ENG: variants seen among roughly 807,000 people sequenced by gnomAD.
ENG encodes CD105 antigen.
ENG carries 17 observed loss-of-function variants against 71.0 expected under a neutral mutation model. The ratio of observed to expected loss-of-function variants is 0.24; its 90% CI spans 0.16 to 0.36. ENG has a LOEUF of 0.36. Ranked by LOEUF, ENG falls within the 10% of genes least tolerant of loss-of-function variation. ENG has a pLI of 1.00. For synonymous variants in ENG, 360 were observed against 366.9 expected, an observed-to-expected ratio of 0.98 and a Z score of 0.21; for missense variants, 749 against 868.3, an observed-to-expected ratio of 0.86 and a Z score of 1.73.
intron 2 of ENG, among the ~76,000 whole-genome samples, chr9:127,842,220 CTTTTCTT>C (rs1831051188): frequency 2.3e-5 from 2 of 87,910 alleles, no homozygotes; most frequent in South Asian, 4.9e-4. Context: ...TTCTCTTTTT[CTTTTCTT>C]TTTTTTTTTT....
Position 127,846,201 on chromosome 9 carries a change from CTCCA to C in ENG, c.68-2960_68-2957del. On this transcript the variant is annotated intron_variant, in intron 1 of 14. Coordinates refer to ENST00000373203, the MANE Select transcript of ENG (RefSeq NM_001114753.3). The surrounding 1 kb of genome is among the most constrained non-coding windows in gnomAD (Gnocchi z 5.5). The stretch of plus-strand genomic sequence containing the variant: ...ATCAAGGGCTGGTGCCATCTCCTGT[CTCCA>C]GTCCCTCTGACCCACCAGCCCCCAT... 6.6e-6 allele frequency among the ~76,000 whole-genome samples: 1 copy of C among 152,306 alleles called. No individual in the cohort carries two copies.
intron 8 of ENG, chr9:127,822,635 CATG>C (rs879635492): frequency 7.2e-5 from 11 of 152,104 alleles, no homozygotes; most frequent in South Asian, 2.1e-4. Context: ...GCTTATTAAA[CATG>C]ATATTAGGTA....
At chr9:127,820,791 T>G (rs529316176) in intron 8 of ENG, among the ~76,000 whole-genome samples, 47 of 151,234 alleles carry the variant, frequency 3.1e-4, no homozygotes, top group African/African-American at 1.1e-3. Flanking sequence ...ATCGCACCAT[T>G]GCACTCCAGC....
rs1831229522 is a variant in ENG at position 127,848,737 on chromosome 9, A to C, written c.68-5492T>G. ...TGTTTTGATTTGTCAGTGTGTCTGC[A>C]CTCCCAGCAGACAGTGAGTTTTTCC... On this transcript the variant is annotated intron_variant, in intron 1 of 14. Coordinates refer to ENST00000373203, the MANE Select transcript of ENG (RefSeq NM_001114753.3). Among the ~76,000 whole-genome samples the C allele has an allele frequency of 3.3e-5, 5 of 152,038 alleles. 1 individual carries two copies. The highest frequency in any genetic ancestry group is 3.3e-4 in the Admixed American group (5 of 15,268).
At chr9:127,840,025 G>A (rs1260812155) in intron 2 of ENG, among the ~76,000 whole-genome samples, 4 of 152,376 alleles carry the variant, frequency 2.6e-5, no homozygotes, top group Admixed American at 6.5e-5. Flanking sequence ...ACGCTGAGCC[G>A]TCACTCCAGG....
intron 12 of ENG, 168 bp from the exon 13 acceptor site, chr9:127,817,371 GA>G: frequency 1.4e-6 from 1 of 726,412 alleles, no homozygotes; most frequent in Non-Finnish European, 2.4e-6. Context: ...TGTGCTGTGG[GA>G]GGGTGCCTAG....
In ENG at chr9:127,818,611, C is replaced by A. The variant is rs1830392339; in HGVS notation, c.1428+105G>T. ...TCCCGTGCACCCAGGCTGTCTCCCT[C>A]CTGACTCTGGGAGTCTCATCTCCTC... On this transcript the variant is annotated intron_variant, in intron 11 of 14. Coordinates refer to ENST00000373203, the MANE Select transcript of ENG (RefSeq NM_001114753.3). The A allele has an allele frequency of 3.5e-6, 5 of 1,440,750 alleles. No homozygotes were observed. In the South Asian group the frequency reaches 5.7e-5, roughly 17 times the overall value. 89.2% of individuals were successfully genotyped at this position (1,440,750 alleles called of 1,614,324 possible). A position where few individuals can be genotyped will look rare whatever the true frequency, so the allele number is the denominator to read the frequency against.
chr9:127,821,972 C>T (rs931875589), intron 8 of ENG, among the ~76,000 whole-genome samples: 4 of 151,128 alleles, frequency 2.6e-5, no homozygotes, highest in Non-Finnish European at 5.9e-5. Context: ...ATCACTTGAA[C>T]CCGGGAGGTG....
At chr9:127,818,659 G>A (rs1417162266) in intron 11 of ENG, 57 bp downstream of exon 11, 1 of 1,569,024 alleles carries the variant, frequency 6.4e-7, no homozygotes, top group Non-Finnish European at 8.8e-7. Flanking sequence ...GGGAAGAAAG[G>A]CGGAGAGGAA....
chr9:127,824,795 C>T lies in ENG; in HGVS notation c.991+5G>A. On this transcript the variant is annotated splice_donor_5th_base_variant and intron_variant, in intron 7 of 14. Transcript: ENST00000373203. ...GGAAGGGAGGGGCAGGGGAAGGGTG[C>T]TCACCGCAGCTGGAGGCATGAAGTG... The T allele has an allele frequency of 6.5e-7, 1 of 1,547,248 alleles. No individual in the cohort carries two copies. The highest frequency in any genetic ancestry group is 8.7e-7 in the Non-Finnish European group (1 of 1,146,960).
At chr9:127,823,923 C>T (rs950338501) in intron 8 of ENG, among the ~76,000 whole-genome samples, 1 of 151,978 alleles carries the variant, frequency 6.6e-6, no homozygotes, top group Non-Finnish European at 1.5e-5. Context: ...TCAAGTGATC[C>T]ACCCATCTTG....
chr9:127,815,402 T>G lies in ENG; in HGVS notation c.*280A>C. The stretch of plus-strand genomic sequence containing the variant: ...GGATCCAGGTTCAAATGACAGGGAC[T>G]TGGGTTTTTACAACAGCGTGGCAAG... On this transcript the variant is annotated 3_prime_UTR_variant, in exon 15 of 15. Transcript: ENST00000373203. 2.0e-6 allele frequency: 1 copy of G among 498,506 alleles called. No homozygotes were observed. Among genetic ancestry groups the G allele is most frequent in the South Asian group, 3.1e-5 (1 of 32,670 alleles). 30.9% of individuals were successfully genotyped at this position (498,506 alleles called of 1,614,324 possible). A position where few individuals can be genotyped will look rare whatever the true frequency, so the allele number is the denominator to read the frequency against.
intron 3 of ENG, among the ~76,000 whole-genome samples, chr9:127,827,409 G>A (rs1830646664): frequency 6.6e-6 from 1 of 152,166 alleles, no homozygotes; most frequent in African/African-American, 2.4e-5. Flanking sequence ...AGTCTGGGTG[G>A]CTTCAGCATC....
At position 127,819,183 on chromosome 9, in the gene ENG, C is replaced by T. The variant is rs560128209; in HGVS notation, c.1312-351G>A. On this transcript the variant is annotated intron_variant, in intron 10 of 14. Coordinates refer to ENST00000373203, the MANE Select transcript of ENG (RefSeq NM_001114753.3). ...CAATCTCTTCACCTCGTGATCTGCC[C>T]GCCTCGGCCTCCCAAAGTGCTGCGA... 36 of 335,220 alleles carry T rather than the reference C, an allele frequency of 1.1e-4. 1 individual carries two copies. Among genetic ancestry groups the T allele is most frequent in the Middle Eastern group, 1.0e-3 (1 of 956 alleles). The allele number at this position is 335,220 out of a possible 1,614,324, so 20.8% of individuals were successfully genotyped here.
chr9:127,829,223 A>G (rs1050243153), intron 3 of ENG, among the ~76,000 whole-genome samples: 11 of 152,354 alleles, frequency 7.2e-5, no homozygotes, highest in African/African-American at 2.6e-4. Context: ...AGTGTGAAGA[A>G]CCAACTAAAT....
In ENG at chr9:127,838,685, CA is replaced by C. The variant is rs1346425188; in HGVS notation, c.219+4408del. Among the ~76,000 whole-genome samples, 1 of 152,290 alleles carries C rather than the reference CA, an allele frequency of 6.6e-6. No homozygotes were observed. The highest frequency in any genetic ancestry group is 6.5e-5 in the Admixed American group (1 of 15,308). On this transcript the variant is annotated intron_variant, in intron 2 of 14. Coordinates refer to ENST00000373203, the MANE Select transcript of ENG (RefSeq NM_001114753.3). This position sits in a 1 kb window ranked among gnomAD's most constrained non-coding sequence, Gnocchi z 4.3. ...TAGGAGGATAGCAGATCGGCCCAGT[CA>C]GCCTGACGGGAATTGCTGAGACACC...
chr9:127,850,286 T>C (rs548121660), intron 1 of ENG, among the ~76,000 whole-genome samples: 1 of 152,348 alleles, frequency 6.6e-6, no homozygotes, highest in African/African-American at 2.4e-5. Flanking sequence ...AAACTGGGGA[T>C]AGAGGCAAGG....
At chr9:127,853,044 T>C (rs1169855488) in intron 1 of ENG, among the ~76,000 whole-genome samples, 3 of 152,106 alleles carry the variant, frequency 2.0e-5, no homozygotes, top group African/African-American at 7.2e-5. Flanking sequence ...AAAATGGGGA[T>C]GATGATGGCA....
chr9:127,851,504 G>T (rs1258606889), intron 1 of ENG, among the ~76,000 whole-genome samples: 1 of 151,994 alleles, frequency 6.6e-6, no homozygotes, highest in Admixed American at 6.6e-5. Flanking sequence ...GATTAGAGGC[G>T]TGAGCCACTG....
Sources: allele counts gnomAD v4.1 joint callset (sites outside exome capture counted in the v4.1 genomes callset), GRCh38; gene constraint gnomAD v4.1.1; non-coding constraint Gnocchi (gnomAD v3.1); transcripts MANE v1.5; gene names NCBI Gene and HGNC (gene_info 2026-07-23, HGNC 2026-07-21).